The following UCKL1 variants were observed in gnomAD, a reference collection of about 807,000 sequenced individuals.
UCKL1 encodes uridine-cytidine kinase 1 like 1, also known as uridine-cytidine kinase-like 1.
In UCKL1, 65 loss-of-function variants were observed where a neutral mutation model predicts 59.2. The observed-to-expected ratio is 1.10, with a 90% CI of 0.90 to 1.35. The LOEUF (loss-of-function observed/expected upper bound fraction) is 1.35, where lower values mean the gene tolerates loss of function less well. Among genes scored for constraint, UCKL1 ranks in the 40% most tolerant of loss-of-function variants. The pLI is 0.00. For missense variants in UCKL1, 703 were observed against 784.3 expected (o/e 0.90, Z 1.24); for synonymous variants, 410 against 323.1 (o/e 1.27, Z -2.88).
rs2058683895 is a variant in UCKL1, at chr20:63,956,413, GC to G, written c.-42del. 1 of 1,344,208 alleles carries G rather than the reference GC, an allele frequency of 7.4e-7. No homozygotes were observed. Among genetic ancestry groups the G allele is most frequent in the Non-Finnish European group, 9.6e-7 (1 of 1,043,592 alleles). 83.3% of individuals were successfully genotyped at this position (1,344,208 alleles called of 1,614,324 possible). A position where few individuals can be genotyped will look rare whatever the true frequency, so the allele number is the denominator to read the frequency against. On this transcript the variant is annotated 5_prime_UTR_variant, in exon 1 of 15. An upstream start codon of the reference 5' UTR is lost. Coordinates refer to ENST00000354216, the MANE Select transcript of UCKL1 (RefSeq NM_017859.4). ...CTTTGCGGGCCTGGCCGGGCGGCGC[GC>G]ATGGGCCGCCGGGAGCTGGCGGGTC...
At chr20:63,945,384 C>T (rs368255697) in intron 5 of UCKL1, among the ~76,000 whole-genome samples, 34 of 152,322 alleles carry the variant, frequency 2.2e-4, no homozygotes, top group African/African-American at 5.8e-4. Context: ...CGGCAAGGGA[C>T]GAGAACGCCA....
At position 63,945,663 on chromosome 20, in the gene UCKL1, C is replaced by A. The variant is rs780545661; in HGVS notation, c.642G>T (p.Lys214Asn). Residue 214 changes from lysine to asparagine, a missense_variant, in exon 5 of 15, where the codon AAG becomes AAT. By Grantham distance (94) the Lys-to-Asn change is moderately conservative (BLOSUM62 0). Around this residue, in one of 4 missense-constraint regions of UCKL1, gnomAD observed 398 missense variants for 373.0 expected, o/e 1.07. Transcript: ENST00000354216. ...GGCGGGTGCTTACCTCCAACAGTGT[C>A]TTGTCAGCAAAGGCCATGATGCCCT... ...IFEGIMAFAD[K>N]TLLELLDMKI... 6.2e-7 allele frequency: 1 copy of A among 1,613,026 alleles called. No individual in the cohort carries two copies. Among genetic ancestry groups the A allele is most frequent in the Non-Finnish European group, 8.5e-7 (1 of 1,179,886 alleles).
intron 5 of UCKL1, 119 bp from the exon 6 acceptor site, chr20:63,944,853 G>T: frequency 7.7e-7 from 1 of 1,290,606 alleles, no homozygotes; most frequent in Non-Finnish European, 1.1e-6. Context: ...CACTTCCCCA[G>T]GGCACCCTGG....
intron 1 of UCKL1, among the ~76,000 whole-genome samples, chr20:63,953,061 C>T (rs941994682): frequency 7.2e-5 from 11 of 152,182 alleles, no homozygotes; most frequent in Admixed American, 2.6e-4. Context: ...CCAGCCTCAA[C>T]GTGGAGAAAC....
At chr20:63,942,427 G>T (rs1601015205) in intron 8 of UCKL1, 1 of 1,172,588 alleles carries the variant, frequency 8.5e-7, no homozygotes, top group Non-Finnish European at 1.1e-6. Flanking sequence ...AGGGGCTACG[G>T]GAAGGCGGGT....
At chr20:63,947,586 G>A (rs1007556961) in intron 1 of UCKL1, among the ~76,000 whole-genome samples, 5 of 152,208 alleles carry the variant, frequency 3.3e-5, no homozygotes, top group South Asian at 2.1e-4. Context: ...ACAGTGCCTC[G>A]GCCTGGCCTC....
rs2055683514 is a variant in UCKL1 at position 63,944,761 on chromosome 20, G to T, written c.655-27C>A. 3 of 1,609,522 alleles carry T rather than the reference G, an allele frequency of 1.9e-6. No individual in the cohort carries two copies. The African/African-American group carries it at 4.0e-5, about 21-fold the overall frequency. The stretch of plus-strand genomic sequence containing the variant: ...TGGTGGAGACAGCGGGCCAGTGAGT[G>T]GCCAGATGCCAGCAGTGGGCATGGA... On this transcript the variant is annotated intron_variant, in intron 5 of 14. Transcript: ENST00000354216.
At chr20:63,950,558 A>C (rs1361783751) in intron 1 of UCKL1, among the ~76,000 whole-genome samples, 1 of 152,238 alleles carries the variant, frequency 6.6e-6, no homozygotes, top group Non-Finnish European at 1.5e-5. Context: ...AGCCGTAACC[A>C]ACACAAGAGA....
intron 1 of UCKL1, among the ~76,000 whole-genome samples, chr20:63,952,404 C>T (rs2057783647): frequency 6.6e-6 from 1 of 152,184 alleles, no homozygotes; most frequent in Non-Finnish European, 1.5e-5. Flanking sequence ...GTGAATGGAA[C>T]CACCAGGCCC....
chr20:63,954,781 TAAC>T (rs1353611580), intron 1 of UCKL1: 5 of 152,208 alleles, frequency 3.3e-5, no homozygotes, highest in Admixed American at 6.5e-5. Context: ...CAAAGAAAGA[TAAC>T]AACAGTCTCT....
chr20:63,944,292 G>T, intron 7 of UCKL1, 105 bp downstream of exon 7: 4 of 1,158,264 alleles, frequency 3.5e-6, no homozygotes, highest in Non-Finnish European at 3.6e-6. Flanking sequence ...GCAGGGGACA[G>T]TGAACGCAGG....
Position 63,940,378 on chromosome 20 carries a change from C to T in UCKL1, c.1410G>A (p.Leu470=). 2 of 1,611,886 alleles carry T rather than the reference C, an allele frequency of 1.2e-6. No individual in the cohort carries two copies. The highest frequency in any genetic ancestry group is 1.1e-5 in the South Asian group (1 of 91,076). The change falls in exon 13 of 15, where the codon CTG becomes CTA. Residue 470 remains leucine, a splice_region_variant and synonymous_variant. Coordinates refer to ENST00000354216, the MANE Select transcript of UCKL1 (RefSeq NM_017859.4). ...AAAMMAVRVL[L]DHDVPEDKIF... is the part of the protein sequence containing the mutation. ...CCCCGCCTACCCAGGGCTCACTCACCAGGAGCACGCGCACTGCCATCATGG... is the reference window on the plus strand; with the variant it reads ...CCCCGCCTACCCAGGGCTCACTCACTAGGAGCACGCGCACTGCCATCATGG...
intron 1 of UCKL1, chr20:63,951,308 G>A (rs1013007580): frequency 8.1e-6 from 5 of 620,312 alleles, no homozygotes; most frequent in Non-Finnish European, 6.0e-6. Flanking sequence ...TGGCACATTC[G>A]GCCAGCCTAG....
At chr20:63,940,765 C>T (rs2054153598) in intron 11 of UCKL1, 29 bp downstream of exon 11, 1 of 1,603,652 alleles carries the variant, frequency 6.2e-7, no homozygotes. Context: ...AGCAGCCTGT[C>T]CCGCGCCCAG....
rs759916796 is a variant in UCKL1 at position 63,940,806 on chromosome 20, A to G, written c.1167T>C (p.Tyr389=). ...PQGQDYAGKC[Y]AGKQITGVSI... is the part of the protein sequence containing the mutation. Reference sequence around the variant, plus strand: ...CCCAGGCAGGTACCTGCTTCCCCGCATAGCACTTGCCCGCATAGTCCTGCC... The same window carrying G: ...CCCAGGCAGGTACCTGCTTCCCCGCGTAGCACTTGCCCGCATAGTCCTGCC... Residue 389 remains tyrosine (Y), a synonymous_variant, in exon 11 of 15, where the codon TAT becomes TAC. Transcript: ENST00000354216. 1 of 1,583,084 alleles carries G rather than the reference A, an allele frequency of 6.3e-7. No individual in the cohort carries two copies. The highest frequency in any genetic ancestry group is 1.2e-5 in the South Asian group (1 of 86,272).
chr20:63,948,352 G>A (rs1188862102), intron 1 of UCKL1: 8 of 152,062 alleles, frequency 5.3e-5, no homozygotes, highest in Middle Eastern at 6.8e-3. Flanking sequence ...TCTGTCCACC[G>A]CGCTCCGGAG....
intron 2 of UCKL1, 24 bp downstream of exon 2, chr20:63,946,429 G>T: frequency 6.5e-7 from 1 of 1,527,882 alleles, no homozygotes; most frequent in Non-Finnish European, 8.8e-7. Flanking sequence ...CCGGCAGCAG[G>T]TCCCACCCCC....
chr20:63,946,750 G>A, intron 1 of UCKL1, 107 bp from the exon 2 acceptor site: 2 of 1,195,056 alleles, frequency 1.7e-6, no homozygotes, highest in Non-Finnish European at 2.3e-6. Context: ...CAACAGGCAT[G>A]GCTGAGGCGG....
intron 6 of UCKL1, 28 bp downstream of exon 6, chr20:63,944,517 C>A (rs1469532644): frequency 6.3e-6 from 10 of 1,597,094 alleles, no homozygotes; most frequent in African/African-American, 1.3e-5. Flanking sequence ...GCCCGACACC[C>A]ACCCAACAGG....
Sources: allele counts gnomAD v4.1 joint callset (sites outside exome capture counted in the v4.1 genomes callset), GRCh38; gene constraint gnomAD v4.1.1; regional missense constraint gnomAD v4.1.1; transcripts MANE v1.5; gene names NCBI Gene and HGNC (gene_info 2026-07-23, HGNC 2026-07-21).